The following ENDOV variants were observed in gnomAD, a reference collection of about 807,000 sequenced individuals.
ENDOV encodes hEndoV.
A neutral mutation model predicts 39.4 loss-of-function variants in ENDOV; 37 were observed. The observed-to-expected ratio is 0.94, with a 90% confidence interval of 0.72 to 1.23. The LOEUF (loss-of-function observed/expected upper bound fraction) is 1.23, where lower values mean the gene tolerates loss of function less well. ENDOV is among the 50% of genes most tolerant of loss of function. The probability of loss-of-function intolerance (pLI) is 0.00; values close to 1 mark genes in which losing one functional copy is unlikely to be tolerated. For synonymous variants in ENDOV, 186 were observed against 163.4 expected, an observed-to-expected ratio of 1.14 and a Z score of -1.05; for missense variants, 441 against 375.7, an observed-to-expected ratio of 1.17 and a Z score of -1.44.
At chr17:80,422,844 TG>T (rs2082226738) in intron 4 of ENDOV, among the ~76,000 whole-genome samples, 1 of 152,164 alleles carries the variant, frequency 6.6e-6, no homozygotes, top group Admixed American at 6.5e-5. Context: ...AGACTACAGG[TG>T]CCCATCACCA....
chr17:80,430,482 C>G (rs2083265684), intron 9 of ENDOV: 5 of 879,936 alleles, frequency 5.7e-6, no homozygotes, highest in Non-Finnish European at 8.0e-6. Flanking sequence ...CACACTGAAC[C>G]ACCTCTGCCC....
intron 9 of ENDOV, among the ~76,000 whole-genome samples, chr17:80,432,629 C>A (rs41301922): frequency 6.6e-6 from 1 of 152,238 alleles, no homozygotes; most frequent in East Asian, 1.9e-4. Flanking sequence ...CTCATGCTGG[C>A]CCCCAGGCCC....
At position 80,436,486 on chromosome 17, in the gene ENDOV, G is replaced by C. The variant is rs41303556; in HGVS notation, c.*343G>C. The C allele has an allele frequency of 2.2e-5, 16 of 739,788 alleles. No homozygotes were observed. The East Asian group carries it at 9.1e-4, about 42-fold the overall frequency. 45.8% of individuals were successfully genotyped at this position (739,788 alleles called of 1,614,324 possible). The stretch of plus-strand genomic sequence containing the variant: ...TGTTAAGTGTTTTTATCCTTAAAGG[G>C]TACTGGATTTTGTCAAATGCTTTTC... On this transcript the variant is annotated 3_prime_UTR_variant, in exon 10 of 10. Coordinates refer to ENST00000518137, the MANE Select transcript of ENDOV (RefSeq NM_173627.5).
Position 80,423,592 on chromosome 17 carries a change from A to G in ENDOV, c.476A>G (p.Gln159Arg), listed in dbSNP as rs1473533842. 4 of 1,555,960 alleles carry G rather than the reference A, an allele frequency of 2.6e-6. No individual in the cohort carries two copies. The highest frequency in any genetic ancestry group is 3.5e-6 in the Non-Finnish European group (4 of 1,150,278). ...PCVGVAKKLL[Q>R]VDGLENNALH... ...GTTGGGGTGGCCAAGAAACTTCTGC[A>G]GGTGGATGGGCTGGAGAACAACGCC... Residue 159 changes from glutamine (Q) to arginine (R), a missense_variant, in exon 5 of 10, where the codon CAG becomes CGG. Coordinates refer to ENST00000518137, the MANE Select transcript of ENDOV (RefSeq NM_173627.5).
chr17:80,436,484 G>A lies in ENDOV; in HGVS notation c.*341G>A. 1 of 759,218 alleles carries A rather than the reference G, an allele frequency of 1.3e-6. No homozygotes were observed. The highest frequency in any genetic ancestry group is 1.8e-6 in the Non-Finnish European group (1 of 543,686). 47.0% of individuals were successfully genotyped at this position (759,218 alleles called of 1,614,324 possible). A position where few individuals can be genotyped will look rare whatever the true frequency, so the allele number is the denominator to read the frequency against. On this transcript the variant is annotated 3_prime_UTR_variant, in exon 10 of 10. Coordinates refer to ENST00000518137, the MANE Select transcript of ENDOV (RefSeq NM_173627.5). ...TTTGTTAAGTGTTTTTATCCTTAAAGGGTACTGGATTTTGTCAAATGCTTT... is the reference window on the plus strand; with the variant it reads ...TTTGTTAAGTGTTTTTATCCTTAAAAGGTACTGGATTTTGTCAAATGCTTT...
chr17:80,436,980 G>T lies in ENDOV; in HGVS notation c.*837G>T, dbSNP rs1004164384. 1 of 152,722 alleles carries T rather than the reference G, an allele frequency of 6.5e-6. No individual in the cohort carries two copies. The highest frequency in any genetic ancestry group is 2.1e-4 in the South Asian group (1 of 4,832). The allele number at this position is 152,722 out of a possible 1,614,324, so 9.5% of individuals were successfully genotyped here. On this transcript the variant is annotated 3_prime_UTR_variant, in exon 10 of 10. Transcript: ENST00000518137. ...CAGTTGCTAGCTTGTGTGTTTCTTG[G>T]AGTTTTTCCGTTTCGTCCATGTTAT...
chr17:80,434,227 C>T (rs1301101834), intron 9 of ENDOV, among the ~76,000 whole-genome samples: 3 of 152,226 alleles, frequency 2.0e-5, no homozygotes, highest in African/African-American at 7.2e-5. Context: ...GTCTGGCTTC[C>T]TTCTCTTGGC....
chr17:80,423,510 T>C lies in ENDOV; in HGVS notation c.404-10T>C. 7.1e-7 allele frequency: 1 copy of C among 1,402,914 alleles called. No individual in the cohort carries two copies. The allele number at this position is 1,402,914 out of a possible 1,614,324, so 86.9% of individuals were successfully genotyped here. On this transcript the variant is annotated splice_polypyrimidine_tract_variant and intron_variant, in intron 4 of 9. Transcript: ENST00000518137. ...ACCTCCCCAACCCCACCCTCCTTTC[T>C]CTCTGGCAGGCTTTGGGGTGGCCTG...
rs1473572314 is a variant in ENDOV at position 80,437,714 on chromosome 17, A to G, written c.*1571A>G. Reference sequence around the variant, plus strand: ...CAGAGAGACGCTTTGAAAACAAAACAGGAAAGAACACACGGCCCCGCGTCT... The same window carrying G: ...CAGAGAGACGCTTTGAAAACAAAACGGGAAAGAACACACGGCCCCGCGTCT... On this transcript the variant is annotated 3_prime_UTR_variant, in exon 10 of 10. Coordinates refer to ENST00000518137, the MANE Select transcript of ENDOV (RefSeq NM_173627.5). 1.3e-5 allele frequency: 2 copies of G among 152,184 alleles called. No homozygotes were observed. Among genetic ancestry groups the G allele is most frequent in the Non-Finnish European group, 2.9e-5 (2 of 68,040 alleles). 9.4% of individuals were successfully genotyped at this position (152,184 alleles called of 1,614,324 possible).
chr17:80,427,015 G>C (rs886690097), intron 7 of ENDOV, among the ~76,000 whole-genome samples: 2 of 152,248 alleles, frequency 1.3e-5, no homozygotes, highest in Admixed American at 6.5e-5. Context: ...CACCACCTTC[G>C]GGCCGGGGCC....
chr17:80,436,008 G>A, intron 9 of ENDOV, 125 bp from the exon 10 acceptor site: 3 of 1,060,940 alleles, frequency 2.8e-6, no homozygotes, highest in East Asian at 2.6e-5. Flanking sequence ...TCCCACCTCG[G>A]CCTCCCCAAG....
intron 1 of ENDOV, 181 bp from the exon 2 acceptor site, chr17:80,415,469 G>A: frequency 2.0e-6 from 2 of 1,008,924 alleles, no homozygotes; most frequent in South Asian, 1.7e-5. Flanking sequence ...TCTGGCCTGC[G>A]CTTGCGCGGG....
Position 80,415,765 on chromosome 17 carries a change from G to A in ENDOV, c.172G>A (p.Gly58Arg), listed in dbSNP as rs1246890817. 4 of 1,605,590 alleles carry A rather than the reference G, an allele frequency of 2.5e-6. No homozygotes were observed. Among genetic ancestry groups the A allele is most frequent in the South Asian group, 1.1e-5 (1 of 89,374 alleles). Residue 58 changes from glycine to arginine, a missense_variant, in exon 2 of 10, where the codon GGG becomes AGG. Transcript: ENST00000518137. ...VGGVDVSFVK[G>R]DSVRACASLV... ...GGGCGTTGACGTGTCCTTCGTGAAA[G>A]GGGACAGTGTCCGCGCTTGTGCTTC...
intron 9 of ENDOV, chr17:80,433,206 G>T (rs1455453359): frequency 3.8e-6 from 2 of 519,934 alleles, no homozygotes; most frequent in African/African-American, 3.8e-5. Flanking sequence ...CTTCCAGGCT[G>T]GCCTTGAGCA....
intron 1 of ENDOV, 139 bp from the exon 2 acceptor site, chr17:80,415,511 C>A: frequency 1.7e-6 from 2 of 1,185,654 alleles, no homozygotes; most frequent in Non-Finnish European, 1.2e-6. Flanking sequence ...GGGACTGTGG[C>A]CTCGGCGGTA....
chr17:80,427,766 G>C, intron 7 of ENDOV: 2 of 1,289,314 alleles, frequency 1.6e-6, no homozygotes, highest in Non-Finnish European at 2.0e-6. Context: ...CGTCTTGGTG[G>C]CCCCATGGTC....
At chr17:80,419,993 A>G (rs1044354471) in intron 2 of ENDOV, 3 of 328,540 alleles carry the variant, frequency 9.1e-6, no homozygotes, top group Admixed American at 4.4e-5. Flanking sequence ...GAAAATGTAC[A>G]TACATCCCCC....
chr17:80,425,124 C>T, intron 6 of ENDOV, 24 bp downstream of exon 6: 1 of 1,588,484 alleles, frequency 6.3e-7, no homozygotes, highest in South Asian at 1.1e-5. Context: ...GCCCTGAGCT[C>T]CTCCAAAGCC....
intron 1 of ENDOV, 127 bp from the exon 2 acceptor site, chr17:80,415,523 G>C: frequency 7.9e-7 from 1 of 1,270,376 alleles, no homozygotes; most frequent in Non-Finnish European, 1.1e-6. Flanking sequence ...TCGGCGGTAT[G>C]TCCCTTGCTT....
Sources: allele counts gnomAD v4.1 joint callset (sites outside exome capture counted in the v4.1 genomes callset), GRCh38; gene constraint gnomAD v4.1.1; transcripts MANE v1.5; gene names NCBI Gene and HGNC (gene_info 2026-07-23, HGNC 2026-07-21).